Variants in TERT observed in about 807,000 individuals in gnomAD.
TERT encodes telomerase reverse transcriptase, also known as telomerase catalytic subunit.
TERT carries 42 observed loss-of-function variants against 104.0 expected under a neutral mutation model. The ratio of observed to expected loss-of-function variants is 0.40; its 90% CI spans 0.32 to 0.52. The LOEUF (loss-of-function observed/expected upper bound fraction) is 0.52, where lower values mean the gene tolerates loss of function less well. TERT is among the 20% of genes least tolerant of loss of function. The pLI, the probability that TERT is intolerant of heterozygous loss-of-function variation, is 0.43. For synonymous variants in TERT, 781 were observed against 725.6 expected, an observed-to-expected ratio of 1.08 and a Z score of -1.23; for missense variants, 1,101 against 1,610.3, an observed-to-expected ratio of 0.68 and a Z score of 5.41.
chr5:1,253,364 A>G lies in TERT; in HGVS notation c.*364T>C. 2.4e-6 allele frequency: 1 copy of G among 421,558 alleles called. No homozygotes were observed. Among genetic ancestry groups the G allele is most frequent in the Non-Finnish European group, 4.4e-6 (1 of 227,284 alleles). 26.1% of individuals were successfully genotyped at this position (421,558 alleles called of 1,614,324 possible). The stretch of plus-strand genomic sequence containing the variant: ...CCTGGATGGTGGGGGTGGAAGGCAA[A>G]GGAGGGCAGGGCGAGGGGTGAACAA... On this transcript the variant is annotated 3_prime_UTR_variant, in exon 16 of 16. Transcript: ENST00000310581.
At position 1,257,089 on chromosome 5, in the gene TERT, C is replaced by CGTG. The variant is rs1369383987; in HGVS notation, c.3032+1506_3032+1508dup. ...CCTGACTCTGTGTTTGGAAACGGCC[C>CGTG]GTGGCCCATCGCATCTCGGCCTCCT... On this transcript the variant is annotated intron_variant, in intron 13 of 15. Coordinates refer to ENST00000310581, the MANE Select transcript of TERT (RefSeq NM_198253.3). The surrounding 1 kb of genome is among the most constrained non-coding windows in gnomAD (Gnocchi z 5.6). 6.6e-6 allele frequency among the ~76,000 whole-genome samples: 1 copy of CGTG among 152,104 alleles called. No homozygotes were observed. Among genetic ancestry groups the CGTG allele is most frequent in the Non-Finnish European group, 1.5e-5 (1 of 68,004 alleles).
At position 1,255,343 on chromosome 5, in the gene TERT, C is replaced by T. The variant is rs62331332; in HGVS notation, c.3101G>A (p.Arg1034His). ...QVWKNPTFFLRVISDTASLCY... is the reference protein window; with the variant it reads ...QVWKNPTFFLHVISDTASLCY... ...GAGGGAGGCCGTGTCAGAGATGACG[C>T]GCAGGAAAAATGTGGGGTTCTTCCA... The change falls in exon 14 of 16, where the codon CGC (arginine) becomes CAC (histidine). Residue 1034 changes from arginine (R) to histidine (H), a missense_variant. Transcript: ENST00000310581. The surrounding 1 kb of genome is among the most constrained non-coding windows in gnomAD (Gnocchi z 6.9). 11 of 1,614,048 alleles carry T rather than the reference C, an allele frequency of 6.8e-6. No individual in the cohort carries two copies. The highest frequency in any genetic ancestry group is 4.5e-5 in the East Asian group (2 of 44,894).
At chr5:1,259,192 T>C (rs1579548868) in intron 12 of TERT, among the ~76,000 whole-genome samples, 1 of 75,238 alleles carries the variant, frequency 1.3e-5, no homozygotes, top group African/African-American at 5.4e-5. Context: ...GGGAGTGGAG[T>C]GGATGCAGAT....
In TERT at chr5:1,293,806, G is replaced by A; in HGVS notation, c.1080C>T (p.Leu360=). Residue 360 remains leucine (L), a synonymous_variant, in exon 2 of 16, where the codon CTC becomes CTT. Coordinates refer to ENST00000310581, the MANE Select transcript of TERT (RefSeq NM_198253.3). ...LRPSLTGARR[L]VETIFLGSRP... is the part of the protein sequence containing the mutation. ...TGGAACCCAGAAAGATGGTCTCCAC[G>A]AGCCTCCGAGCGCCAGTCAGGCTGG... is the stretch of plus-strand genomic sequence containing the variant. 2 of 1,550,782 alleles carry A rather than the reference G, an allele frequency of 1.3e-6. No individual in the cohort carries two copies. The highest frequency in any genetic ancestry group is 2.0e-5 in the Admixed American group (1 of 51,078).
At chr5:1,291,715 G>A (rs1179815269) in intron 2 of TERT, among the ~76,000 whole-genome samples, 5 of 149,120 alleles carry the variant, frequency 3.4e-5, no homozygotes, top group African/African-American at 9.9e-5. Flanking sequence ...CACGTGACAG[G>A]GACACCTGGG....
intron 11 of TERT, among the ~76,000 whole-genome samples, chr5:1,264,006 A>G (rs147225607): frequency 6.7e-6 from 1 of 150,374 alleles, no homozygotes; most frequent in African/African-American, 2.5e-5. Context: ...GGAGAGACTC[A>G]CGCCCAGCAG....
At position 1,293,536 on chromosome 5, in the gene TERT, C is replaced by A; in HGVS notation, c.1350G>T (p.Gln450His). The A allele has an allele frequency of 6.4e-7, 1 of 1,553,954 alleles. No homozygotes were observed. The highest frequency in any genetic ancestry group is 1.4e-5 in the African/African-American group (1 of 73,442). The change falls in exon 2 of 16, where the codon CAG becomes CAT. Residue 450 changes from glutamine (Q) to histidine (H), a missense_variant. Physicochemically the swap from Gln to His is conservative, Grantham distance 24. Transcript: ENST00000310581. ...AGGGGCTGCTGTGCTGGCGGAGCAG[C>A]TGCACCAGGCGACGGGGGTCTGTGT... ...EEDTDPRRLV[Q>H]LLRQHSSPWQ...
In TERT at chr5:1,266,598, G is replaced by A. The variant is rs986972377; in HGVS notation, c.2583-63C>T. 24 of 1,324,716 alleles carry A rather than the reference G, an allele frequency of 1.8e-5. 1 individual carries two copies. In the African/African-American group the frequency reaches 2.5e-4, roughly 14 times the overall value. 82.1% of individuals were successfully genotyped at this position (1,324,716 alleles called of 1,614,324 possible). A position where few individuals can be genotyped will look rare whatever the true frequency, so the allele number is the denominator to read the frequency against. ...CACTTTTTACGTAGTATCTGTCTAC[G>A]AGGGACTGAATGTCAAACAATTTAC... On this transcript the variant is annotated intron_variant, in intron 9 of 15. Transcript: ENST00000310581.
chr5:1,257,060 C>T lies in TERT; in HGVS notation c.3032+1538G>A, dbSNP rs36115594. On this transcript the variant is annotated intron_variant, in intron 13 of 15. Transcript: ENST00000310581. The surrounding 1 kb of genome is among the most constrained non-coding windows in gnomAD (Gnocchi z 5.6). ...GGGAAGGGGATTCCTGGGCCTTCCA[C>T]GTGCCTGACTCTGTGTTTGGAAACG... Among the ~76,000 whole-genome samples, 2,016 of 152,278 alleles carry T rather than the reference C, an allele frequency of 0.013. 35 individuals carry two copies. Among genetic ancestry groups the T allele is most frequent in the African/African-American group, 0.045 (1,854 of 41,550 alleles).
rs757163879 is a variant in TERT at position 1,271,096 on chromosome 5, T to A, written c.2468+23A>T. ...GCCCGCCCAGCCACCCGCAGGGCAA[T>A]GGCACCTGGCCACCTGACTCACTTG... On this transcript the variant is annotated intron_variant, in intron 8 of 15. Transcript: ENST00000310581. 3.1e-6 allele frequency: 5 copies of A among 1,605,486 alleles called. No individual in the cohort carries two copies. The Admixed American group carries it at 5.0e-5, about 16-fold the overall frequency.
At chr5:1,290,421 C>T (rs1343670152) in intron 2 of TERT, among the ~76,000 whole-genome samples, 2 of 58,226 alleles carry the variant, frequency 3.4e-5, no homozygotes, top group Admixed American at 1.8e-4. Context: ...CAGGGACACG[C>T]GGGGACGGCG....
chr5:1,272,562 A>C, intron 6 of TERT, among the ~76,000 whole-genome samples: 1 of 85,928 alleles, frequency 1.2e-5, no homozygotes, highest in South Asian at 3.9e-4. Context: ...CACGACCGCC[A>C]TCCACAGTCA....
rs1167028240 is a variant in TERT at position 1,294,021 on chromosome 5, G to C, written c.865C>G (p.Leu289Val). ...GGGTGGGAGTGGCGCGTGCCAGAGA[G>C]CGCACCCTCCAAAGAGGTGGCTTCT... is the stretch of plus-strand genomic sequence containing the variant. Reference protein sequence around the residue: ...AEEATSLEGALSGTRHSHPSV... With the variant: ...AEEATSLEGAVSGTRHSHPSV... The change falls in exon 2 of 16, where the codon CTC becomes GTC. Residue 289 changes from leucine (L) to valine (V), a missense_variant. Physicochemically the swap from Leu to Val is conservative, Grantham distance 32. This residue lies in a region of TERT where 504 missense variants were observed against 544.6 expected (regional missense o/e 0.93). Coordinates refer to ENST00000310581, the MANE Select transcript of TERT (RefSeq NM_198253.3). 2 of 1,594,232 alleles carry C rather than the reference G, an allele frequency of 1.3e-6. No homozygotes were observed. Among genetic ancestry groups the C allele is most frequent in the African/African-American group, 1.3e-5 (1 of 74,504 alleles).
At position 1,277,968 on chromosome 5, in the gene TERT, G is replaced by A. The variant is rs139105383; in HGVS notation, c.2286+673C>T. On this transcript the variant is annotated intron_variant, in intron 6 of 15. Coordinates refer to ENST00000310581, the MANE Select transcript of TERT (RefSeq NM_198253.3). The stretch of plus-strand genomic sequence containing the variant: ...CCTTTCACCCCTGCCGAGCCCCAAG[G>A]CCCCCGGCCGCTCTGGGAGGAGTGT... Among the ~76,000 whole-genome samples, 203 of 152,302 alleles carry A rather than the reference G, an allele frequency of 1.3e-3. 1 individual carries two copies. The highest frequency in any genetic ancestry group is 4.6e-3 in the African/African-American group (191 of 41,562).
chr5:1,268,607 G>A lies in TERT; in HGVS notation c.2495C>T (p.Pro832Leu), dbSNP rs1748794843. 1.9e-6 allele frequency: 3 copies of A among 1,613,050 alleles called. No homozygotes were observed. Among genetic ancestry groups the A allele is most frequent in the Non-Finnish European group, 2.5e-6 (3 of 1,179,854 alleles). ...CAGCGTGGAGAGGATGGAGCCCTGCGGGATCCCCTGGCACTGGACGTAGGA... is the reference window on the plus strand; with the variant it reads ...CAGCGTGGAGAGGATGGAGCCCTGCAGGATCCCCTGGCACTGGACGTAGGA... ...GKSYVQCQGI[P>L]QGSILSTLLC... Residue 832 changes from proline to leucine, a missense_variant, in exon 9 of 16, where the codon CCG becomes CTG. By Grantham distance (98) the Pro-to-Leu change is moderately conservative (BLOSUM62 -3). This residue lies in a region of TERT where 463 missense variants were observed against 797.5 expected (regional missense o/e 0.58). Coordinates refer to ENST00000310581, the MANE Select transcript of TERT (RefSeq NM_198253.3). This position sits in a 1 kb window ranked among gnomAD's most constrained non-coding sequence, Gnocchi z 5.5.
intron 2 of TERT, 100 bp from the exon 3 acceptor site, chr5:1,282,724 G>T: frequency 7.7e-7 from 1 of 1,290,332 alleles, no homozygotes; most frequent in Non-Finnish European, 1.1e-6. Context: ...CTCACCAAGG[G>T]CCTGGCGACC....
Position 1,294,198 on chromosome 5 carries a change from G to T in TERT, c.688C>A (p.Arg230=), listed in dbSNP as rs989271195. 9.5e-6 allele frequency: 15 copies of T among 1,581,342 alleles called. No homozygotes were observed. The highest frequency in any genetic ancestry group is 1.3e-5 in the Non-Finnish European group (15 of 1,168,548). Residue 230 remains arginine, a synonymous_variant, in exon 2 of 16, where the codon CGA becomes AGA. Coordinates refer to ENST00000310581, the MANE Select transcript of TERT (RefSeq NM_198253.3). ...GGCCTCTTGGGCAACGGCAGACTTC[G>T]GCTGGCACTGCCCCCGCGCCTCCTC... ...GARRRGGSAS[R]SLPLPKRPRR...
chr5:1,283,957 G>C (rs1316334393), intron 2 of TERT, among the ~76,000 whole-genome samples: 1 of 145,828 alleles, frequency 6.9e-6, no homozygotes, highest in Admixed American at 6.9e-5. Context: ...CGCAGGGCCT[G>C]GTGACCTCAC....
chr5:1,289,026 A>T (rs1324407325), intron 2 of TERT, among the ~76,000 whole-genome samples: 1 of 152,190 alleles, frequency 6.6e-6, no homozygotes, highest in Non-Finnish European at 1.5e-5. Flanking sequence ...GTGGCTATAG[A>T]AAGAGCAAAC....
Sources: gnomAD v4.1 joint callset for allele counts (sites outside exome capture counted in the v4.1 genomes callset) on GRCh38, gnomAD v4.1.1 for gene constraint, gnomAD v4.1.1 regional missense constraint, Gnocchi (gnomAD v3.1) non-coding constraint, MANE v1.5 for transcripts, NCBI Gene and HGNC (gene_info 2026-07-23, HGNC 2026-07-21) for gene names.